TMC1: variants seen among roughly 807,000 people sequenced by gnomAD.
The protein encoded by TMC1 is transmembrane channel like 1.
A neutral mutation model predicts 105.8 loss-of-function variants in TMC1; 84 were observed. The ratio of observed to expected loss-of-function variants is 0.79; its 90% confidence interval spans 0.67 to 0.95. The LOEUF is 0.95. Ranked by LOEUF, TMC1 falls within the 40% of genes least tolerant of loss-of-function variation. The pLI, the probability that TMC1 is intolerant of heterozygous loss-of-function variation, is 0.00. For missense variants in TMC1, 817 were observed against 914.1 expected (o/e 0.89, Z 1.37); for synonymous variants, 315 against 311.5 (o/e 1.01, Z -0.12).
intron 4 of TMC1, among the ~76,000 whole-genome samples, chr9:72,630,927 G>C (rs926896464): frequency 6.6e-6 from 1 of 150,644 alleles, no homozygotes; most frequent in Non-Finnish European, 1.5e-5. Flanking sequence ...GGAGTGCAGT[G>C]GAACGATCTT....
intron 9 of TMC1, 102 bp from the exon 10 acceptor site, chr9:72,742,342 A>C (rs1827403770): frequency 2.2e-6 from 2 of 899,170 alleles, no homozygotes; most frequent in African/African-American, 3.3e-5. Flanking sequence ...TGCCAGAGAG[A>C]CATTTCCAAG....
chr9:72,782,191 A>T (rs1828103822), intron 13 of TMC1, among the ~76,000 whole-genome samples: 1 of 152,236 alleles, frequency 6.6e-6, no homozygotes, highest in African/African-American at 2.4e-5. Flanking sequence ...TATCACATAA[A>T]CAGAATGAAA....
intron 20 of TMC1, among the ~76,000 whole-genome samples, chr9:72,824,075 G>A (rs1268269600): frequency 6.6e-6 from 1 of 152,236 alleles, no homozygotes; most frequent in Non-Finnish European, 1.5e-5. Flanking sequence ...AACCCCTTGT[G>A]GGAGGAAGCA....
At chr9:72,818,949 TACAA>T (rs747025305) in intron 19 of TMC1, among the ~76,000 whole-genome samples, 13 of 152,232 alleles carry the variant, frequency 8.5e-5, no homozygotes, top group Non-Finnish European at 1.8e-4. Context: ...AGCATATACA[TACAA>T]ACAATGTGCA....
At chr9:72,606,985 A>G (rs796255738) in intron 2 of TMC1, among the ~76,000 whole-genome samples, 29 of 114,596 alleles carry the variant, frequency 2.5e-4, no homozygotes, top group Admixed American at 1.5e-3. Context: ...GTGTGTGCAT[A>G]TATATATATA....
intron 21 of TMC1, among the ~76,000 whole-genome samples, chr9:72,827,912 G>T (rs1216412321): frequency 6.6e-6 from 1 of 152,180 alleles, no homozygotes; most frequent in Non-Finnish European, 1.5e-5. Context: ...TGCAGTAAAT[G>T]AGCAGGGATT....
At position 72,627,044 on chromosome 9, in the gene TMC1, T is replaced by G. The variant is rs1013132515; in HGVS notation, c.-195-877T>G. Among the ~76,000 whole-genome samples the G allele has an allele frequency of 1.1e-4, 16 of 151,926 alleles. No homozygotes were observed. The East Asian group carries it at 2.9e-3, about 28-fold the overall frequency. On this transcript the variant is annotated intron_variant, in intron 3 of 23. Transcript: ENST00000297784. ...CTATGTTGTTGGTTTTTTTTTTTTT[T>G]TTGGGTCTGTCATTATAGTAATAAC...
chr9:72,628,366 C>T (rs1825386910), intron 4 of TMC1: 2 of 201,166 alleles, frequency 9.9e-6, no homozygotes, highest in African/African-American at 2.4e-5. Context: ...ATGACTTTTC[C>T]TGTGTTCATC....
At chr9:72,631,749 CA>C (rs1173014767) in intron 4 of TMC1, among the ~76,000 whole-genome samples, 1 of 152,066 alleles carries the variant, frequency 6.6e-6, no homozygotes, top group Non-Finnish European at 1.5e-5. Flanking sequence ...TTGAAAACAC[CA>C]AATCTGAGCA....
At chr9:72,557,955 T>A (rs566792367) in intron 1 of TMC1, among the ~76,000 whole-genome samples, 2 of 152,276 alleles carry the variant, frequency 1.3e-5, no homozygotes, top group Admixed American at 6.5e-5. Flanking sequence ...CTTCAGACCA[T>A]GAGAAATTGT....
chr9:72,771,397 T>G (rs1827922864), intron 12 of TMC1, among the ~76,000 whole-genome samples: 1 of 152,178 alleles, frequency 6.6e-6, no homozygotes, highest in Non-Finnish European at 1.5e-5. Context: ...TCTACGACAT[T>G]TCTACTTTCT....
At position 72,650,881 on chromosome 9, in the gene TMC1, TAGATATATAG is replaced by T. The variant is rs1387409927; in HGVS notation, c.16+2219_16+2228del. Among the ~76,000 whole-genome samples the T allele has an allele frequency of 6.5e-3, 630 of 97,016 alleles. 31 individuals carry two copies. The highest frequency in any genetic ancestry group is 0.02 in the African/African-American group (472 of 24,052). The allele number at this position is 97,016 out of a possible 152,430, so 63.6% of individuals were successfully genotyped here. ...TATTTCATGGTGTATTTTATATATA[TAGATATATAG>T]ATATATATATAAATATATATAGATA... On this transcript the variant is annotated intron_variant, in intron 5 of 23. Transcript: ENST00000297784.
chr9:72,766,786 T>C (rs1827845491), intron 12 of TMC1, among the ~76,000 whole-genome samples: 1 of 152,204 alleles, frequency 6.6e-6, no homozygotes, highest in Non-Finnish European at 1.5e-5. Context: ...TACTCCACAC[T>C]GTCTCTGTTA....
intron 23 of TMC1, 129 bp downstream of exon 23, chr9:72,830,811 A>T: frequency 3.8e-6 from 3 of 799,236 alleles, no homozygotes; most frequent in South Asian, 1.7e-5. Flanking sequence ...TCATTCCACA[A>T]TCCTTACCTT....
chr9:72,567,654 G>GC (rs773301450), intron 1 of TMC1, among the ~76,000 whole-genome samples: 1 of 151,998 alleles, frequency 6.6e-6, no homozygotes, highest in East Asian at 1.9e-4. Context: ...GGGGGAAACC[G>GC]CCCCCCATGA....
chr9:72,616,293 G>C (rs1045261305), intron 2 of TMC1, 75 bp from the exon 3 acceptor site: 3 of 152,154 alleles, frequency 2.0e-5, no homozygotes, highest in Non-Finnish European at 4.4e-5. Flanking sequence ...CAGCAGAACT[G>C]TGCTACAGTT....
intron 19 of TMC1, among the ~76,000 whole-genome samples, chr9:72,819,150 T>C (rs942473019): frequency 3.9e-5 from 6 of 152,234 alleles, no homozygotes; most frequent in Non-Finnish European, 7.3e-5. Flanking sequence ...ACCTTCACTT[T>C]AGAGACCCAG....
intron 4 of TMC1, among the ~76,000 whole-genome samples, chr9:72,632,276 A>G (rs1825464308): frequency 6.6e-6 from 1 of 152,196 alleles, no homozygotes; most frequent in Admixed American, 6.5e-5. Context: ...CTCACTTATC[A>G]TGAGGACAGC....
At chr9:72,742,143 T>C (rs758656166) in intron 9 of TMC1, among the ~76,000 whole-genome samples, 4 of 152,256 alleles carry the variant, frequency 2.6e-5, no homozygotes, top group Non-Finnish European at 4.4e-5. Flanking sequence ...CACCCTATTA[T>C]GTGCTAATCC....
Sources: allele counts gnomAD v4.1 joint callset (sites outside exome capture counted in the v4.1 genomes callset), GRCh38; gene constraint gnomAD v4.1.1; transcripts MANE v1.5; gene names NCBI Gene and HGNC (gene_info 2026-07-23, HGNC 2026-07-21).